The following CNKSR3 variants were observed in gnomAD, a reference collection of about 807,000 sequenced individuals.
CNKSR3 encodes CNKSR family member 3, also known as connector enhancer of kinase suppressor of ras 3.
In CNKSR3, 36 loss-of-function variants were observed where a neutral mutation model predicts 67.7. That is an observed-to-expected ratio of 0.53 (90% CI 0.41 to 0.70). CNKSR3 has a LOEUF of 0.70. CNKSR3 is among the 30% of genes least tolerant of loss of function. The pLI, the probability that CNKSR3 is intolerant of heterozygous loss-of-function variation, is 0.00. For missense variants in CNKSR3, 630 were observed against 695.2 expected (o/e 0.91, Z 1.05); for synonymous variants, 281 against 271.4 (o/e 1.04, Z -0.35).
intron 1 of CNKSR3, among the ~76,000 whole-genome samples, chr6:154,479,228 A>AT (rs11430427): frequency 0.2 from 28,125 of 140,688 alleles, 3,027 homozygotes; most frequent in East Asian, 0.38. Context: ...AAAAAAAAAA[A>AT]AAATATTCTT....
At chr6:154,477,243 T>C (rs1289872146) in intron 1 of CNKSR3, among the ~76,000 whole-genome samples, 1 of 152,188 alleles carries the variant, frequency 6.6e-6, no homozygotes, top group Non-Finnish European at 1.5e-5. Context: ...ATGGCTTTTA[T>C]TGGAATACCT....
intron 1 of CNKSR3, among the ~76,000 whole-genome samples, chr6:154,474,628 T>G (rs187672061): frequency 1.2e-4 from 19 of 152,280 alleles, no homozygotes; most frequent in East Asian, 7.7e-4. Context: ...GAGATGCCCT[T>G]GGGAAGGCAG....
chr6:154,469,338 T>TC (rs1786273623), intron 1 of CNKSR3, among the ~76,000 whole-genome samples: 1 of 151,980 alleles, frequency 6.6e-6, no homozygotes, highest in Non-Finnish European at 1.5e-5. Flanking sequence ...TAAGCCCTCC[T>TC]CCCCCATCAT....
At chr6:154,490,584 C>T (rs375583344) in intron 1 of CNKSR3, among the ~76,000 whole-genome samples, 2 of 152,178 alleles carry the variant, frequency 1.3e-5, no homozygotes, top group African/African-American at 4.8e-5. Flanking sequence ...AGGAAGGCCA[C>T]GAAAAGATCT....
chr6:154,502,886 C>T (rs1435053865), intron 1 of CNKSR3, among the ~76,000 whole-genome samples: 1 of 152,124 alleles, frequency 6.6e-6, no homozygotes, highest in Non-Finnish European at 1.5e-5. Context: ...TAGAAGACAA[C>T]ACGCTGGGTG....
chr6:154,422,528 C>T lies in CNKSR3; in HGVS notation c.923G>A (p.Arg308Gln), dbSNP rs756943868. The T allele has an allele frequency of 1.3e-5, 21 of 1,613,938 alleles. No homozygotes were observed. Among genetic ancestry groups the T allele is most frequent in the Non-Finnish European group, 1.8e-5 (21 of 1,180,004 alleles). The part of the protein sequence containing the change: ...NFTPAPLKNL[R>Q]WKPPLVQTSP... ...TACCTGTACAAGAGGTGGCTTCCAC[C>T]GTAGGTTTTTCAGGGGAGCAGGAGT... The change falls in exon 9 of 13, where the codon CGG becomes CAG. Residue 308 changes from arginine to glutamine, a missense_variant. This residue lies in a region of CNKSR3 where 133 missense variants were observed against 190.6 expected (regional missense o/e 0.70). Transcript: ENST00000607772.
At chr6:154,502,630 T>C (rs567183647) in intron 1 of CNKSR3, among the ~76,000 whole-genome samples, 1 of 152,290 alleles carries the variant, frequency 6.6e-6, no homozygotes, top group East Asian at 1.9e-4. Context: ...CTTGGACAAT[T>C]CATTTCACTT....
At chr6:154,479,861 A>G (rs1786531008) in intron 1 of CNKSR3, among the ~76,000 whole-genome samples, 1 of 152,196 alleles carries the variant, frequency 6.6e-6, no homozygotes, top group African/African-American at 2.4e-5. Flanking sequence ...TTATTCTTGC[A>G]ACTTACTGTA....
intron 9 of CNKSR3, chr6:154,414,823 C>G (rs376899999): frequency 2.1e-6 from 1 of 474,956 alleles, no homozygotes; most frequent in African/African-American, 2.0e-5. Context: ...CTGGGCACGG[C>G]GGTTCTTGCC....
chr6:154,465,359 A>G (rs1786175376), intron 1 of CNKSR3, among the ~76,000 whole-genome samples: 1 of 152,164 alleles, frequency 6.6e-6, no homozygotes, highest in Non-Finnish European at 1.5e-5. Context: ...GAAAATGCAC[A>G]TATAAAATTA....
intron 3 of CNKSR3, 88 bp from the exon 4 acceptor site, chr6:154,441,467 G>T: frequency 1.1e-6 from 1 of 916,542 alleles, no homozygotes; most frequent in Non-Finnish European, 1.8e-6. Flanking sequence ...CTACCCCATG[G>T]GCTACTCTAA....
rs1209791243 is a variant in CNKSR3 at position 154,388,232 on chromosome 6, TAA to T, written c.*18120_*18121del. The T allele has an allele frequency of 2.6e-5, 4 of 152,232 alleles. No individual in the cohort carries two copies. The highest frequency in any genetic ancestry group is 5.9e-5 in the Non-Finnish European group (4 of 68,052). 9.4% of individuals were successfully genotyped at this position (152,232 alleles called of 1,614,324 possible). On this transcript the variant is annotated 3_prime_UTR_variant, in exon 13 of 13. Coordinates refer to ENST00000607772, the MANE Select transcript of CNKSR3 (RefSeq NM_173515.4). Reference sequence around the variant, plus strand: ...TTTGGTTCTATGAAGTTGACTATTTTAAATATCCCACATAAATTGAATCCTGC... The same window carrying T: ...TTTGGTTCTATGAAGTTGACTATTTTATATCCCACATAAATTGAATCCTGC...
At chr6:154,443,726 GC>G (rs1785652157) in intron 2 of CNKSR3, among the ~76,000 whole-genome samples, 1 of 152,112 alleles carries the variant, frequency 6.6e-6, no homozygotes, top group African/African-American at 2.4e-5. Context: ...TGAAGATATG[GC>G]TCCTGTTTGT....
Position 154,404,105 on chromosome 6 carries a change from T to A in CNKSR3, c.*2249A>T, listed in dbSNP as rs1001237658. ...CAGCCCACACCCCACCCTCCTAGTG[T>A]GTTGAACACCCTGTGGTCACACACT... On this transcript the variant is annotated 3_prime_UTR_variant, in exon 13 of 13. Transcript: ENST00000607772. 1.3e-5 allele frequency: 2 copies of A among 152,198 alleles called. No homozygotes were observed. Among genetic ancestry groups the A allele is most frequent in the African/African-American group, 4.8e-5 (2 of 41,426 alleles). The allele number at this position is 152,198 out of a possible 1,614,324, so 9.4% of individuals were successfully genotyped here.
Position 154,510,494 on chromosome 6 carries a change from G to C in CNKSR3, c.-380C>G, listed in dbSNP as rs367988363. ...TCCTCGGATCTCTCGAGGCGCGATC[G>C]GCTCTCCCTCGGCCGGTCTTCTCGC... On this transcript the variant is annotated 5_prime_UTR_variant, in exon 1 of 13. Coordinates refer to ENST00000607772, the MANE Select transcript of CNKSR3 (RefSeq NM_173515.4). 48 of 259,638 alleles carry C rather than the reference G, an allele frequency of 1.8e-4. No homozygotes were observed. The East Asian group carries it at 5.0e-3, about 27-fold the overall frequency. 16.1% of individuals were successfully genotyped at this position (259,638 alleles called of 1,614,324 possible). A position where few individuals can be genotyped will look rare whatever the true frequency, so the allele number is the denominator to read the frequency against.
rs532269000 is a variant in CNKSR3, at chr6:154,476,445, G to A, written c.53-26187C>T. Among the ~76,000 whole-genome samples, 821 of 126,954 alleles carry A rather than the reference G, an allele frequency of 6.5e-3. 2 individuals are homozygous for A. The highest frequency in any genetic ancestry group is 0.01 in the Admixed American group (122 of 11,668). 83.3% of individuals were successfully genotyped at this position (126,954 alleles called of 152,430 possible). On this transcript the variant is annotated intron_variant, in intron 1 of 12. Transcript: ENST00000607772. ...GCACTCCAGCCTGGGCAACAAGAGC[G>A]AAACTATGTCTCAAAAAAAAAAAAA...
intron 4 of CNKSR3, among the ~76,000 whole-genome samples, chr6:154,439,672 A>G (rs1480137079): frequency 6.6e-6 from 1 of 152,104 alleles, no homozygotes; most frequent in Non-Finnish European, 1.5e-5. Flanking sequence ...CAGGGGAATT[A>G]CTCGAGGCCA....
chr6:154,462,658 A>G (rs993651470), intron 1 of CNKSR3, among the ~76,000 whole-genome samples: 9 of 151,986 alleles, frequency 5.9e-5, no homozygotes, highest in African/African-American at 2.2e-4. Flanking sequence ...TCGGGCTCCT[A>G]TCTCGAGGCC....
At chr6:154,423,120 T>TACGGCGA in intron 7 of CNKSR3, 137 bp from the exon 8 acceptor site, 1 of 587,670 alleles carries the variant, frequency 1.7e-6, no homozygotes, top group Non-Finnish European at 3.0e-6. Flanking sequence ...TGCACTTTAT[T>TACGGCGA]CCCCTGAGAC....
Sources: allele counts gnomAD v4.1 joint callset (sites outside exome capture counted in the v4.1 genomes callset), GRCh38; gene constraint gnomAD v4.1.1; regional missense constraint gnomAD v4.1.1; transcripts MANE v1.5; gene names NCBI Gene and HGNC (gene_info 2026-07-23, HGNC 2026-07-21).